Variants in TENM1 observed in about 807,000 individuals in gnomAD.
The protein encoded by TENM1 is teneurin transmembrane protein 1, also known as teneurin-1.
In TENM1, 35 loss-of-function variants were observed where a neutral mutation model predicts 174.8. That is an observed-to-expected ratio of 0.20 (90% CI 0.15 to 0.27). TENM1 has a LOEUF of 0.27. TENM1 is among the 10% of genes least tolerant of loss of function. The pLI is 1.00. For missense variants in TENM1, 1,633 were observed against 2,130.1 expected (o/e 0.77, Z 4.59); for synonymous variants, 781 against 798.7 (o/e 0.98, Z 0.37).
the TENM1 span, among the ~76,000 whole-genome samples, chrX:125,056,244 A>G: frequency 2.0e-3 from 228 of 111,790 alleles, 1 homozygote; most frequent in Non-Finnish European, 3.9e-3. Context: ...TAAGCAAGGA[A>G]TTATTGAATG....
chrX:124,528,397 G>A (rs1371713107), intron 16 of TENM1, among the ~76,000 whole-genome samples: 2 of 111,543 alleles, frequency 1.8e-5, no homozygotes, highest in Non-Finnish European at 3.8e-5. Context: ...ACCTTTGTAT[G>A]TAAGCTAAAA....
chrX:124,756,382 T>G (rs60441630), intron 3 of TENM1, among the ~76,000 whole-genome samples: 1 of 98,468 alleles, frequency 1.0e-5, no homozygotes, highest in East Asian at 3.1e-4. Flanking sequence ...ATTCTAGTTA[T>G]ACATTCGTCT....
chrX:125,182,034 G>A, the TENM1 span, among the ~76,000 whole-genome samples: 3 of 111,209 alleles, frequency 2.7e-5, no homozygotes, highest in African/African-American at 6.5e-5. Context: ...TAGAGATCCA[G>A]GGGTCAGAAG....
At chrX:124,446,959 C>T (rs766599694) in intron 23 of TENM1, among the ~76,000 whole-genome samples, 1 of 112,296 alleles carries the variant, frequency 8.9e-6, no homozygotes, top group Non-Finnish European at 1.9e-5. Context: ...CATGTTGCAG[C>T]ATAGGCCTCT....
intron 3 of TENM1, among the ~76,000 whole-genome samples, chrX:124,879,767 C>T (rs2057271922): frequency 8.9e-6 from 1 of 112,297 alleles, no homozygotes; most frequent in Non-Finnish European, 1.9e-5. Context: ...TTCTCCTCGA[C>T]CTTGTCAGCA....
intron 3 of TENM1, among the ~76,000 whole-genome samples, chrX:124,764,878 C>G (rs1368938588): frequency 1.8e-5 from 2 of 110,763 alleles, no homozygotes; most frequent in Non-Finnish European, 3.8e-5. Context: ...TTCAACAGAC[C>G]CACTGGTGCT....
intron 11 of TENM1, among the ~76,000 whole-genome samples, chrX:124,636,950 A>G (rs2050891051): frequency 8.9e-6 from 1 of 112,007 alleles, no homozygotes; most frequent in Non-Finnish European, 1.9e-5. Flanking sequence ...TTAATAGATG[A>G]ATATTTCACA....
intron 14 of TENM1, among the ~76,000 whole-genome samples, chrX:124,553,265 G>T (rs1173281755): frequency 0.026 from 1 of 39 alleles, no homozygotes; most frequent in Non-Finnish European, 0.043. Context: ...GGGAGACTGA[G>T]GGGGGGGGTG....
intron 23 of TENM1, among the ~76,000 whole-genome samples, chrX:124,433,530 C>G (rs766944790): frequency 8.9e-6 from 1 of 111,812 alleles, no homozygotes; most frequent in African/African-American, 3.2e-5. Context: ...TTCCTATGTT[C>G]TCTACCAAGA....
At chrX:124,430,719 C>T (rs1190558546) in intron 23 of TENM1, among the ~76,000 whole-genome samples, 1 of 111,851 alleles carries the variant, frequency 8.9e-6, no homozygotes, top group Non-Finnish European at 1.9e-5. Context: ...GTCATTTCCT[C>T]CTTGTTTATC....
At chrX:125,078,376 T>C in the TENM1 span, among the ~76,000 whole-genome samples, 1 of 111,945 alleles carries the variant, frequency 8.9e-6, no homozygotes, top group Admixed American at 9.5e-5. Context: ...AGCAGTCAGT[T>C]TGAATCCCGA....
chrX:124,408,353 G>C (rs762422040), intron 25 of TENM1, among the ~76,000 whole-genome samples: 2 of 93,032 alleles, frequency 2.1e-5, no homozygotes, highest in South Asian at 9.6e-4. Context: ...ATGTTGGCCA[G>C]ACTGGTATCC....
At chrX:124,802,424 C>A (rs1408560839) in intron 3 of TENM1, among the ~76,000 whole-genome samples, 1 of 111,377 alleles carries the variant, frequency 9.0e-6, no homozygotes, top group Non-Finnish European at 1.9e-5. Context: ...CTGGTTCACT[C>A]CCGTACCTGG....
chrX:124,670,119 G>A lies in TENM1; in HGVS notation c.1168+1564C>T, dbSNP rs149473917. Among the ~76,000 whole-genome samples the A allele has an allele frequency of 7.7e-3, 859 of 111,819 alleles. 9 individuals carry two copies. Among genetic ancestry groups the A allele is most frequent in the African/African-American group, 0.026 (801 of 30,846 alleles). ...AAGTTTCTGGAACAATTCTTGACAC[G>A]TGGTAATTTTAATTTAATTTTAGCC... On this transcript the variant is annotated intron_variant, in intron 6 of 31. Transcript: ENST00000422452.
chrX:124,706,187 C>A (rs2052901595), intron 4 of TENM1, among the ~76,000 whole-genome samples: 1 of 112,456 alleles, frequency 8.9e-6, no homozygotes, highest in Non-Finnish European at 1.9e-5. Flanking sequence ...CAGGCGTGAG[C>A]CGCTGTGCCC....
Position 124,905,440 on chromosome X carries a change from T to A in TENM1, c.218-9199A>T, listed in dbSNP as rs768790660. On this transcript the variant is annotated intron_variant, in intron 1 of 31. Coordinates refer to ENST00000422452, the Ensembl canonical transcript of TENM1. ...GAAAACATTAAATTCTGGAGAAGAC[T>A]TCCACTTGCAAACAAGATGGAGTGA... 1.2e-4 allele frequency among the ~76,000 whole-genome samples: 13 copies of A among 112,228 alleles called. No homozygotes were observed. In the South Asian group the frequency reaches 3.0e-3, roughly 26 times the overall value.
intron 25 of TENM1, among the ~76,000 whole-genome samples, chrX:124,410,057 G>A (rs1417137046): frequency 1.1e-4 from 12 of 110,137 alleles, no homozygotes; most frequent in African/African-American, 3.3e-4. Flanking sequence ...AGCCCACATC[G>A]CCAAGTCAAT....
the TENM1 span, among the ~76,000 whole-genome samples, chrX:125,166,305 T>TG: frequency 1.8e-5 from 2 of 111,433 alleles, no homozygotes; most frequent in Admixed American, 1.9e-4. Flanking sequence ...ATAACTCCTC[T>TG]GTCCATTGTT....
chrX:124,691,646 C>T (rs997436745), intron 5 of TENM1, among the ~76,000 whole-genome samples: 2 of 111,769 alleles, frequency 1.8e-5, no homozygotes, highest in Non-Finnish European at 3.8e-5. Context: ...TTTCTTACTT[C>T]GTATATATTT....
Sources: gnomAD v4.1 joint callset for allele counts (sites outside exome capture counted in the v4.1 genomes callset) on GRCh38, gnomAD v4.1.1 for gene constraint, MANE v1.5 for transcripts, NCBI Gene and HGNC (gene_info 2026-07-23, HGNC 2026-07-21) for gene names.